The following UBA3 variants were observed in gnomAD, a reference collection of about 807,000 sequenced individuals.
The protein encoded by UBA3 is NEDD8-activating enzyme E1 catalytic subunit.
UBA3 carries 26 observed loss-of-function variants against 73.5 expected under a neutral mutation model. The observed-to-expected ratio is 0.35, with a 90% CI of 0.26 to 0.49. The LOEUF (loss-of-function observed/expected upper bound fraction) is 0.49, where lower values mean the gene tolerates loss of function less well. Ranked by LOEUF, UBA3 falls within the 20% of genes least tolerant of loss-of-function variation. The pLI is 0.98. For synonymous variants in UBA3, 217 were observed against 191.2 expected, an observed-to-expected ratio of 1.13 and a Z score of -1.11; for missense variants, 495 against 555.6, an observed-to-expected ratio of 0.89 and a Z score of 1.10.
chr3:69,079,955 G>A, intron 2 of UBA3, 157 bp downstream of exon 2: 1 of 635,280 alleles, frequency 1.6e-6, no homozygotes, highest in South Asian at 2.2e-5. Context: ...CAGGCCCCCG[G>A]GGCTGCGGGG....
At chr3:69,064,316 AC>A (rs2092048982) in intron 6 of UBA3, among the ~76,000 whole-genome samples, 1 of 152,122 alleles carries the variant, frequency 6.6e-6, no homozygotes, top group Admixed American at 6.6e-5. Flanking sequence ...CTAACTACTT[AC>A]TTTTTCTCAT....
At position 69,061,920 on chromosome 3, in the gene UBA3, A is replaced by G. The variant is rs1370229137; in HGVS notation, c.804T>C (p.Val268=). The G allele has an allele frequency of 1.1e-5, 18 of 1,592,396 alleles. No homozygotes were observed. The Admixed American group carries it at 1.8e-4, about 16-fold the overall frequency. ...WPKEQPFGEG[V]PLDGDDPEHI... Reference sequence around the variant, plus strand: ...GTTCAGGATCATCTCCATCTAATGGAACCCCTTCTGTTTAAAAAAAAAAAG... The same window carrying G: ...GTTCAGGATCATCTCCATCTAATGGGACCCCTTCTGTTTAAAAAAAAAAAG... Residue 268 remains valine (V), a synonymous_variant, in exon 11 of 18, where the codon GTT becomes GTC. Coordinates refer to ENST00000361055, the MANE Select transcript of UBA3 (RefSeq NM_003968.4).
At chr3:69,063,636 T>C (rs566283321) in intron 7 of UBA3, 133 bp from the exon 8 acceptor site, 2 of 763,258 alleles carry the variant, frequency 2.6e-6, no homozygotes, top group South Asian at 2.5e-5. Flanking sequence ...AGTGTGTTTG[T>C]GGGAACAGGA....
intron 17 of UBA3, 64 bp from the exon 18 acceptor site, chr3:69,055,589 G>T: frequency 8.0e-7 from 1 of 1,242,716 alleles, no homozygotes; most frequent in Non-Finnish European, 1.1e-6. Context: ...TAATACACAT[G>T]TAAACAAACT....
At chr3:69,063,341 A>T in intron 8 of UBA3, 98 bp downstream of exon 8, 1 of 1,347,438 alleles carries the variant, frequency 7.4e-7, no homozygotes, top group Non-Finnish European at 1.0e-6. Context: ...ATTAAAAATT[A>T]AACTCTGATT....
intron 7 of UBA3, among the ~76,000 whole-genome samples, chr3:69,063,711 C>A (rs1166771447): frequency 6.6e-6 from 1 of 151,766 alleles, no homozygotes; most frequent in Non-Finnish European, 1.5e-5. Flanking sequence ...ATAAAACTGC[C>A]CTAAAAAATA....
chr3:69,065,733 C>T (rs2092064846), intron 6 of UBA3, among the ~76,000 whole-genome samples: 1 of 152,178 alleles, frequency 6.6e-6, no homozygotes, highest in African/African-American at 2.4e-5. Context: ...TGAACCACCA[C>T]ACCCAGCCAT....
intron 5 of UBA3, 126 bp downstream of exon 5, chr3:69,071,409 T>C: frequency 1.7e-6 from 1 of 582,194 alleles, no homozygotes. Context: ...TGGTAGTTTT[T>C]GTTTTTTAAA....
intron 4 of UBA3, 64 bp downstream of exon 4, chr3:69,075,366 A>T: frequency 1.3e-6 from 1 of 780,090 alleles, no homozygotes; most frequent in Non-Finnish European, 1.8e-6. Context: ...AGTATGACAG[A>T]TAAGTAAGGT....
intron 2 of UBA3, 26 bp from the exon 3 acceptor site, chr3:69,077,944 T>G: frequency 6.2e-7 from 1 of 1,608,094 alleles, no homozygotes; most frequent in Non-Finnish European, 8.5e-7. Context: ...TAAATTCAGC[T>G]GCAAAGATCA....
At chr3:69,080,018 A>T in intron 2 of UBA3, 94 bp downstream of exon 2, 2 of 1,231,838 alleles carry the variant, frequency 1.6e-6, no homozygotes, top group Non-Finnish European at 1.1e-6. Context: ...TCCCCCTCCC[A>T]GCCCCCCGGG....
rs112926313 is a variant in UBA3, at chr3:69,069,863, G to A, written c.347+1672C>T. ...TATATTCTATGTGCTTTTATGGCACGGCCCAAACAAAAGAACTCCTAGATG... is the reference window on the plus strand; with the variant it reads ...TATATTCTATGTGCTTTTATGGCACAGCCCAAACAAAAGAACTCCTAGATG... On this transcript the variant is annotated intron_variant, in intron 5 of 17. Coordinates refer to ENST00000361055, the MANE Select transcript of UBA3 (RefSeq NM_003968.4). Among the ~76,000 whole-genome samples, 563 of 152,190 alleles carry A rather than the reference G, an allele frequency of 3.7e-3. 3 individuals are homozygous for A. Among genetic ancestry groups the A allele is most frequent in the African/African-American group, 0.013 (519 of 41,502 alleles).
chr3:69,073,865 G>A (rs777727035), intron 4 of UBA3, among the ~76,000 whole-genome samples: 6 of 144,904 alleles, frequency 4.1e-5, no homozygotes, highest in East Asian at 1.9e-4. Context: ...GGATAGTCTC[G>A]ATCTCCTGAC....
chr3:69,076,308 G>A (rs1431906615), intron 3 of UBA3: 1 of 152,344 alleles, frequency 6.6e-6, no homozygotes, highest in African/African-American at 2.4e-5. Context: ...GGAGGCTGAG[G>A]TGGGTGGATC....
chr3:69,062,218 G>C, intron 9 of UBA3, 39 bp from the exon 10 acceptor site: 1 of 1,346,748 alleles, frequency 7.4e-7, no homozygotes, highest in Non-Finnish European at 1.1e-6. Context: ...AATTTTAAAC[G>C]AATTATTTTA....
intron 12 of UBA3, 147 bp from the exon 13 acceptor site, chr3:69,056,962 T>G: frequency 2.3e-6 from 2 of 874,930 alleles, no homozygotes; most frequent in South Asian, 3.5e-5. Context: ...CAGTAACAAA[T>G]TTTACATTGT....
intron 11 of UBA3, among the ~76,000 whole-genome samples, chr3:69,058,250 C>G (rs1289182336): frequency 6.6e-6 from 1 of 152,128 alleles, no homozygotes; most frequent in Admixed American, 6.5e-5. Context: ...ATAAACAAAG[C>G]CTCACCTTAA....
chr3:69,073,978 A>T (rs1392569985), intron 4 of UBA3, among the ~76,000 whole-genome samples: 1 of 152,032 alleles, frequency 6.6e-6, no homozygotes, highest in African/African-American at 2.4e-5. Flanking sequence ...ATGAGCCTTT[A>T]GGGGGCTTAC....
intron 5 of UBA3, chr3:69,071,287 T>C (rs578090928): frequency 3.0e-6 from 1 of 330,724 alleles, no homozygotes; most frequent in South Asian, 3.5e-5. Context: ...AAAAATCACA[T>C]AAACCTTTGG....
Sources: gnomAD v4.1 joint callset for allele counts (sites outside exome capture counted in the v4.1 genomes callset) on GRCh38, gnomAD v4.1.1 for gene constraint, MANE v1.5 for transcripts, NCBI Gene and HGNC (gene_info 2026-07-23, HGNC 2026-07-21) for gene names.